NCR3LG1: variants seen among roughly 807,000 people sequenced by gnomAD.
NCR3LG1 encodes natural killer cell cytotoxicity receptor 3 ligand 1.
A neutral mutation model predicts 34.8 loss-of-function variants in NCR3LG1; 35 were observed. The observed-to-expected ratio is 1.01, with a 90% CI of 0.77 to 1.33. NCR3LG1 has a LOEUF of 1.33. Ranked by LOEUF, NCR3LG1 falls within the 40% of genes most tolerant of loss-of-function variation. NCR3LG1 has a pLI of 0.00. For missense variants in NCR3LG1, 452 were observed against 423.3 expected (o/e 1.07, Z -0.60); for synonymous variants, 173 against 163.6 (o/e 1.06, Z -0.44).
Position 17,356,955 on chromosome 11 carries a change from G to A in NCR3LG1, c.375G>A (p.Val125=), listed in dbSNP as rs1228608202. The change falls in exon 2 of 5, where the codon GTG becomes GTA. Residue 125 remains valine (V), a synonymous_variant. Transcript: ENST00000338965. ...EEAGEYRCEV[V]VTPLKAQGTV... is the part of the protein sequence containing the mutation. ...CAGGAGAGTACCGATGTGAGGTGGT[G>A]GTCACCCCTCTGAAGGCACAGGGAA... The A allele has an allele frequency of 6.5e-7, 1 of 1,535,460 alleles. No homozygotes were observed. The highest frequency in any genetic ancestry group is 1.7e-4 in the Middle Eastern group (1 of 5,974).
At chr11:17,353,725 AGC>A (rs1953170211) in intron 1 of NCR3LG1, among the ~76,000 whole-genome samples, 1 of 146,904 alleles carries the variant, frequency 6.8e-6, no homozygotes, top group Non-Finnish European at 1.6e-5. Flanking sequence ...CAGCAGCAGC[AGC>A]AGCTCCTGGA....
At chr11:17,359,763 C>T (rs989723239) in intron 2 of NCR3LG1, among the ~76,000 whole-genome samples, 5 of 151,978 alleles carry the variant, frequency 3.3e-5, no homozygotes, top group African/African-American at 1.2e-4. Context: ...CTGCCCACCT[C>T]AGCTTCCCAA....
chr11:17,357,364 C>A (rs1953222468), intron 2 of NCR3LG1, among the ~76,000 whole-genome samples: 1 of 152,094 alleles, frequency 6.6e-6, no homozygotes, highest in African/African-American at 2.4e-5. Flanking sequence ...TATAAGGATA[C>A]CAATCATATT....
At chr11:17,380,250 G>A (rs1318599614), downstream of NCR3LG1, among the ~76,000 whole-genome samples, 1 of 152,084 alleles carries the variant, frequency 6.6e-6, no homozygotes, top group East Asian at 1.9e-4. Context: ...GTTCTGCATG[G>A]GTTTTCATCA....
At chr11:17,357,035 A>C (rs925863226) in intron 2 of NCR3LG1, 34 bp downstream of exon 2, 1 of 1,404,690 alleles carries the variant, frequency 7.1e-7, no homozygotes. Context: ...TACAGTTCCC[A>C]TGGTGTTGGG....
rs1953215490 is a variant in NCR3LG1 at position 17,356,863 on chromosome 11, G to GACC, written c.283_284insACC (p.Val95delinsAspLeu). On this transcript the variant is annotated protein_altering_variant, in exon 2 of 5. Transcript: ENST00000338965. ...AGAGGCATTCCGACCTGGAGCCATT[G>GACC]TGTCTCCATGGAGGCTGAAGAGTGG... 2 of 1,536,028 alleles carry GACC rather than the reference G, an allele frequency of 1.3e-6. No individual in the cohort carries two copies. The highest frequency in any genetic ancestry group is 3.9e-5 in the Admixed American group (2 of 50,984).
chr11:17,381,128 C>G (rs1255404606), downstream of NCR3LG1: 5 of 152,198 alleles, frequency 3.3e-5, no homozygotes, highest in African/African-American at 7.2e-5. Context: ...GGCCTTCCCC[C>G]CTACAGCCTC....
At chr11:17,363,576 C>CTTT (rs1564856978) in intron 2 of NCR3LG1, among the ~76,000 whole-genome samples, 18 of 124,624 alleles carry the variant, frequency 1.4e-4, no homozygotes, top group Admixed American at 9.1e-5. Context: ...TCCTCTTTCT[C>CTTT]TCTTTTCTTT....
At position 17,372,478 on chromosome 11, in the gene NCR3LG1, C is replaced by T. The variant is rs1434284268; in HGVS notation, c.1331C>T (p.Ser444Phe). ...ATTSTTPVLS[S>F]QPPTLLLPLQ ...ACATCAACAACTCCAGTTCTATCCT[C>T]CCAACCCCCAACTTTACTGTTACCC... Residue 444 changes from serine to phenylalanine, a missense_variant, in exon 5 of 5, where the codon TCC (serine) becomes TTC (phenylalanine). By Grantham distance (155) the Ser-to-Phe change is radical. Transcript: ENST00000338965. 2 of 701,590 alleles carry T rather than the reference C, an allele frequency of 2.9e-6. No individual in the cohort carries two copies. Among genetic ancestry groups the T allele is most frequent in the African/African-American group, 3.5e-5 (2 of 57,156 alleles). 43.5% of individuals were successfully genotyped at this position (701,590 alleles called of 1,614,324 possible).
At position 17,372,599 on chromosome 11, in the gene NCR3LG1, C is replaced by T. The variant is rs557890349; in HGVS notation, c.*87C>T. 4.9e-6 allele frequency: 3 copies of T among 610,922 alleles called. No homozygotes were observed. In the South Asian group the frequency reaches 5.9e-5, roughly 12 times the overall value. 37.8% of individuals were successfully genotyped at this position (610,922 alleles called of 1,614,324 possible). A position where few individuals can be genotyped will look rare whatever the true frequency, so the allele number is the denominator to read the frequency against. On this transcript the variant is annotated 3_prime_UTR_variant, in exon 5 of 5. Coordinates refer to ENST00000338965, the MANE Select transcript of NCR3LG1 (RefSeq NM_001202439.3). Reference sequence around the variant, plus strand: ...AAATAAGAGGGGACCTGGGCAAGTTCTCTGATGACCTGATAGATATATAGA... The same window carrying T: ...AAATAAGAGGGGACCTGGGCAAGTTTTCTGATGACCTGATAGATATATAGA...
intron 2 of NCR3LG1, among the ~76,000 whole-genome samples, chr11:17,360,499 A>G (rs1265443136): frequency 6.6e-6 from 1 of 152,186 alleles, no homozygotes; most frequent in African/African-American, 2.4e-5. Flanking sequence ...CTGTGTTATC[A>G]TCTAGAAGGT....
At position 17,367,021 on chromosome 11, in the gene NCR3LG1, G is replaced by A; in HGVS notation, c.434G>A (p.Ser145Asn). Residue 145 changes from serine to asparagine, a missense_variant, in exon 3 of 5, where the codon AGC becomes AAC. Ser to Asn is a conservative substitution (Grantham distance 46). Coordinates refer to ENST00000338965, the MANE Select transcript of NCR3LG1 (RefSeq NM_001202439.3). ...TTTTCCCTGACAGCTTCCCCAGCCA[G>A]CAGATTGTTGCTGGATCAAGTGGGC... ...VQLEVVASPA[S>N]RLLLDQVGMK... 6.5e-7 allele frequency: 1 copy of A among 1,531,332 alleles called. No homozygotes were observed. Among genetic ancestry groups the A allele is most frequent in the Non-Finnish European group, 8.7e-7 (1 of 1,143,198 alleles). 94.9% of individuals were successfully genotyped at this position (1,531,332 alleles called of 1,614,324 possible).
At chr11:17,381,443 C>T (rs566353439), downstream of NCR3LG1, 1 of 152,546 alleles carries the variant, frequency 6.6e-6, no homozygotes, top group African/African-American at 2.4e-5. Context: ...TTGGATGGAA[C>T]TATGGAATGA....
chr11:17,355,680 G>A (rs1481344056), intron 1 of NCR3LG1, among the ~76,000 whole-genome samples: 4 of 152,168 alleles, frequency 2.6e-5, no homozygotes, highest in African/African-American at 9.7e-5. Context: ...AGGAAAGTGT[G>A]GATGATCTGG....
At chr11:17,353,546 G>A (rs557556367) in intron 1 of NCR3LG1, among the ~76,000 whole-genome samples, 1 of 152,290 alleles carries the variant, frequency 6.6e-6, no homozygotes, top group East Asian at 1.9e-4. Flanking sequence ...TGCCCGTCCC[G>A]CGCCCCCTCC....
Position 17,372,173 on chromosome 11 carries a change from T to G in NCR3LG1, c.1026T>G (p.Ser342Arg), listed in dbSNP as rs1953414836. 1.4e-6 allele frequency: 1 copy of G among 702,880 alleles called. No homozygotes were observed. The highest frequency in any genetic ancestry group is 2.6e-6 in the Non-Finnish European group (1 of 385,010). 43.5% of individuals were successfully genotyped at this position (702,880 alleles called of 1,614,324 possible). A position where few individuals can be genotyped will look rare whatever the true frequency, so the allele number is the denominator to read the frequency against. Residue 342 changes from serine (S) to arginine (R), a missense_variant, in exon 5 of 5, where the codon AGT becomes AGG. Coordinates refer to ENST00000338965, the MANE Select transcript of NCR3LG1 (RefSeq NM_001202439.3). ...QDGEAWPPEG[S>R]VNINTIQQLD... Reference sequence around the variant, plus strand: ...GGGAGGCTTGGCCTCCTGAGGGAAGTGTTAATATTAATACTATTCAACAAC... The same window carrying G: ...GGGAGGCTTGGCCTCCTGAGGGAAGGGTTAATATTAATACTATTCAACAAC...
intron 4 of NCR3LG1, among the ~76,000 whole-genome samples, chr11:17,371,277 T>G (rs1953402999): frequency 6.6e-6 from 1 of 152,168 alleles, no homozygotes; most frequent in East Asian, 1.9e-4. Flanking sequence ...TTTCAAACCC[T>G]ATAGTGCTAC....
intron 4 of NCR3LG1, 66 bp downstream of exon 4, chr11:17,369,030 G>A: frequency 9.9e-7 from 1 of 1,010,518 alleles, no homozygotes; most frequent in Admixed American, 2.7e-5. Flanking sequence ...TAGAGCAGCT[G>A]CTGCCAACCT....
rs895159907 is a variant in NCR3LG1, at chr11:17,372,534, A to C, written c.*22A>C. ...GTAAATGCCTGATGGACCTGGTGCC[A>C]CTAGGGTCCAAGTTCCCTTTTCATT... is the stretch of plus-strand genomic sequence containing the variant. On this transcript the variant is annotated 3_prime_UTR_variant, in exon 5 of 5. Coordinates refer to ENST00000338965, the MANE Select transcript of NCR3LG1 (RefSeq NM_001202439.3). 6 of 666,122 alleles carry C rather than the reference A, an allele frequency of 9.0e-6. No individual in the cohort carries two copies. The highest frequency in any genetic ancestry group is 1.6e-5 in the Non-Finnish European group (6 of 366,704). The allele number at this position is 666,122 out of a possible 1,614,324, so 41.3% of individuals were successfully genotyped here. A position where few individuals can be genotyped will look rare whatever the true frequency, so the allele number is the denominator to read the frequency against.
Sources: gnomAD v4.1 joint callset for allele counts (sites outside exome capture counted in the v4.1 genomes callset) on GRCh38, gnomAD v4.1.1 for gene constraint, MANE v1.5 for transcripts, NCBI Gene and HGNC (gene_info 2026-07-23, HGNC 2026-07-21) for gene names.